The following PLCG2 variants were observed in gnomAD, a reference collection of about 807,000 sequenced individuals.
PLCG2 encodes the protein 1-phosphatidylinositol 4,5-bisphosphate phosphodiesterase gamma-2.
In PLCG2, 69 loss-of-function variants were observed where a neutral mutation model predicts 175.6. That is an observed-to-expected ratio of 0.39 (90% CI 0.32 to 0.48). PLCG2 has a LOEUF of 0.48. PLCG2 is among the 20% of genes least tolerant of loss of function. The pLI, the probability that PLCG2 is intolerant of heterozygous loss-of-function variation, is 0.91. For synonymous variants in PLCG2, 827 were observed against 624.0 expected (o/e 1.33, Z -4.85); for missense variants, 1,798 against 1,650.9 (o/e 1.09, Z -1.54).
chr16:81,842,987 T>G (rs1036433699), intron 2 of PLCG2: 3 of 3,780 alleles, frequency 7.9e-4, no homozygotes, highest in African/African-American at 1.1e-3. Flanking sequence ...AGTGGAGGGA[T>G]GGGTGGTGGG....
chr16:81,789,852 T>TTTCCCCCCCCCCC (rs1911152188), intron 2 of PLCG2, among the ~76,000 whole-genome samples: 1 of 141,852 alleles, frequency 7.0e-6, no homozygotes, highest in African/African-American at 2.6e-5. Context: ...TTGCCCCCCC[T>TTTCCCCCCCCCCC]CCATTGCCTC....
chr16:81,910,438 A>T, intron 17 of PLCG2, 82 bp from the exon 18 acceptor site: 1 of 1,238,414 alleles, frequency 8.1e-7, no homozygotes, highest in Non-Finnish European at 1.2e-6. Flanking sequence ...GGCCACATGT[A>T]ATGTCCCCGC....
At chr16:81,922,296 AC>A (rs1206142020) in intron 21 of PLCG2, among the ~76,000 whole-genome samples, 6 of 152,174 alleles carry the variant, frequency 3.9e-5, no homozygotes, top group African/African-American at 1.4e-4. Flanking sequence ...GCCACTTAAA[AC>A]AGCTGGTCGA....
rs754923645 is a variant in PLCG2, at chr16:81,808,596, C to G, written c.193+22414C>G. Among the ~76,000 whole-genome samples, 146 of 152,264 alleles carry G rather than the reference C, an allele frequency of 9.6e-4. 2 individuals are homozygous for G. Among genetic ancestry groups the G allele is most frequent in the Non-Finnish European group, 1.2e-3 (83 of 68,014 alleles). ...ACAACCTCCGCCTCCCAGATTCAAG[C>G]CATTCTCCTGTCTCAGCCTCCTGAG... On this transcript the variant is annotated intron_variant, in intron 2 of 32. Transcript: ENST00000564138.
chr16:81,778,033 A>AC (rs1413474057), upstream of PLCG2, among the ~76,000 whole-genome samples: 1 of 32,202 alleles, frequency 3.1e-5, no homozygotes, highest in Non-Finnish European at 7.7e-5. Context: ...AAAAAAAAAC[A>AC]AAAAAAAAAC....
intron 26 of PLCG2, among the ~76,000 whole-genome samples, chr16:81,934,970 T>G (rs1194631087): frequency 6.6e-6 from 1 of 152,050 alleles, no homozygotes; most frequent in Non-Finnish European, 1.5e-5. Context: ...GTCCCTCCCA[T>G]AACACGTGGG....
chr16:81,956,046 T>A (rs1911554433), intron 31 of PLCG2, among the ~76,000 whole-genome samples: 1 of 152,224 alleles, frequency 6.6e-6, no homozygotes, highest in African/African-American at 2.4e-5. Context: ...CTCACGCTCA[T>A]TAGCTGCTGC....
chr16:81,955,771 G>C lies in PLCG2; in HGVS notation c.3571-924G>C, dbSNP rs540613389. ...CCCACGGATGCGTCTAGTTGGCCTT[G>C]CTTGGGTCATGTGCCTGGAGGTTGT... On this transcript the variant is annotated intron_variant, in intron 31 of 32. Transcript: ENST00000564138. 3.3e-5 allele frequency among the ~76,000 whole-genome samples: 5 copies of C among 152,306 alleles called. No homozygotes were observed. In the South Asian group the frequency reaches 1.0e-3, roughly 32 times the overall value.
intron 9 of PLCG2, among the ~76,000 whole-genome samples, chr16:81,888,397 T>C (rs116674073): frequency 5.4e-4 from 81 of 150,962 alleles, no homozygotes; most frequent in African/African-American, 1.9e-3. Flanking sequence ...AAAAAAAATG[T>C]TTGTATTTTA....
At chr16:81,854,831 G>C (rs1450557876) in intron 3 of PLCG2, among the ~76,000 whole-genome samples, 1 of 152,168 alleles carries the variant, frequency 6.6e-6, no homozygotes, top group Admixed American at 6.6e-5. Context: ...TGGGGGTATT[G>C]TGAGGAGTAT....
Position 81,825,025 on chromosome 16 carries a change from C to G in PLCG2, c.194-29419C>G, listed in dbSNP as rs531049506. 1.3e-3 allele frequency among the ~76,000 whole-genome samples: 196 copies of G among 152,276 alleles called. 1 individual carries two copies. Among genetic ancestry groups the G allele is most frequent in the Middle Eastern group, 3.4e-3 (1 of 294 alleles). ...CCACAAGCCAAGAAATGCAGGTGGC[C>G]TCTAGAGCTGGGAAAGGCAATGGGT... On this transcript the variant is annotated intron_variant, in intron 2 of 32. Coordinates refer to ENST00000564138, the MANE Select transcript of PLCG2 (RefSeq NM_002661.5).
At chr16:81,957,029 T>A in intron 32 of PLCG2, 150 bp downstream of exon 32, 2 of 579,030 alleles carry the variant, frequency 3.5e-6, no homozygotes, top group Non-Finnish European at 5.7e-6. Context: ...CCAGGCATGG[T>A]GGCTCATGCC....
At chr16:81,888,198 C>T (rs1908460636) in intron 9 of PLCG2, among the ~76,000 whole-genome samples, 1 of 152,146 alleles carries the variant, frequency 6.6e-6, no homozygotes, top group Non-Finnish European at 1.5e-5. Context: ...TTTGCACAAG[C>T]TGCCACGGTC....
At chr16:81,881,080 G>A in intron 8 of PLCG2, 127 bp downstream of exon 8, 2 of 896,372 alleles carry the variant, frequency 2.2e-6, no homozygotes, top group South Asian at 1.4e-5. Flanking sequence ...GGGGGCCCCT[G>A]CTGGGGAATT....
chr16:81,906,121 A>G (rs1370341324), intron 15 of PLCG2: 1 of 152,256 alleles, frequency 6.6e-6, no homozygotes, highest in Non-Finnish European at 1.5e-5. Flanking sequence ...AATTAGCGCA[A>G]TCAGGAAATT....
intron 11 of PLCG2, among the ~76,000 whole-genome samples, chr16:81,893,373 G>A (rs992001700): frequency 6.6e-6 from 1 of 152,138 alleles, no homozygotes; most frequent in South Asian, 2.1e-4. Flanking sequence ...AGCGGCCATG[G>A]GGCCTTGTTA....
chr16:81,830,245 A>G (rs1016100833), intron 2 of PLCG2, among the ~76,000 whole-genome samples: 7 of 152,102 alleles, frequency 4.6e-5, no homozygotes, highest in African/African-American at 1.4e-4. Context: ...ACCTAAGCCC[A>G]GGAGGTTGAG....
chr16:81,924,964 C>G (rs940751202), intron 22 of PLCG2, among the ~76,000 whole-genome samples: 12 of 152,372 alleles, frequency 7.9e-5, no homozygotes, highest in African/African-American at 2.9e-4. Context: ...CTGGCGTTCC[C>G]TCACTGGGCT....
chr16:81,791,783 T>A lies in PLCG2; in HGVS notation c.193+5601T>A, dbSNP rs568715634. On this transcript the variant is annotated intron_variant, in intron 2 of 32. Coordinates refer to ENST00000564138, the MANE Select transcript of PLCG2 (RefSeq NM_002661.5). The stretch of plus-strand genomic sequence containing the variant: ...TTTCACCATGTTGGCCAGGCTGGTC[T>A]TGAGCTCCTGACCTCTCGTGATCTG... Among the ~76,000 whole-genome samples the A allele has an allele frequency of 1.2e-4, 18 of 152,310 alleles. No individual in the cohort carries two copies. In the South Asian group the frequency reaches 3.7e-3, roughly 32 times the overall value.
Sources: allele counts gnomAD v4.1 joint callset (sites outside exome capture counted in the v4.1 genomes callset), GRCh38; gene constraint gnomAD v4.1.1; transcripts MANE v1.5; gene names NCBI Gene and HGNC (gene_info 2026-07-23, HGNC 2026-07-21).